Variants in PIKFYVE observed in about 807,000 individuals in gnomAD.
The protein encoded by PIKFYVE is phosphoinositide kinase, FYVE-type zinc finger containing.
A neutral mutation model predicts 257.9 loss-of-function variants in PIKFYVE; 122 were observed. The observed-to-expected ratio is 0.47, with a 90% CI of 0.41 to 0.55. The LOEUF is 0.55. Among genes scored for constraint, PIKFYVE ranks in the 20% least tolerant of loss-of-function variants. The probability of loss-of-function intolerance (pLI) is 0.00; values close to 1 mark genes in which losing one functional copy is unlikely to be tolerated. For missense variants in PIKFYVE, 2,160 were observed against 2,536.6 expected (o/e 0.85, Z 3.19); for synonymous variants, 892 against 868.9 (o/e 1.03, Z -0.47).
Position 208,354,019 on chromosome 2 carries a change from A to G in PIKFYVE, c.5966A>G (p.Tyr1989Cys). ...AAGATGGTTCGAGACAACCCTCTAT[A>G]TATTCGTTCTCATTCCAAAGCTGTG... ...LLKMVRDNPL[Y>C]IRSHSKAVLR... Residue 1989 changes from tyrosine to cysteine, a missense_variant, in exon 40 of 42, where the codon TAT becomes TGT. By Grantham distance (194) the Tyr-to-Cys change is radical (BLOSUM62 -2). This residue lies in a region of PIKFYVE where 699 missense variants were observed against 855.8 expected (regional missense o/e 0.82). Coordinates refer to ENST00000264380, the MANE Select transcript of PIKFYVE (RefSeq NM_015040.4). The G allele has an allele frequency of 6.2e-7, 1 of 1,614,092 alleles. No homozygotes were observed. The highest frequency in any genetic ancestry group is 8.5e-7 in the Non-Finnish European group (1 of 1,179,974).
intron 12 of PIKFYVE, among the ~76,000 whole-genome samples, chr2:208,306,448 A>G (rs566930399): frequency 7.2e-5 from 11 of 152,332 alleles, no homozygotes; most frequent in Admixed American, 7.2e-4. Context: ...TCTGTTGGCA[A>G]TCACATTTTG....
Position 208,271,610 on chromosome 2 carries a change from A to C in PIKFYVE, c.91A>C (p.Lys31Gln), listed in dbSNP as rs1403277491. The change falls in exon 2 of 42, where the codon AAA (lysine) becomes CAA (glutamine). Residue 31 changes from lysine (K) to glutamine (Q), a missense_variant. By Grantham distance (53) the Lys-to-Gln change is moderately conservative. Around this residue, in one of 12 missense-constraint regions of PIKFYVE, gnomAD observed 172 missense variants for 180.6 expected, o/e 0.95. Coordinates refer to ENST00000264380, the MANE Select transcript of PIKFYVE (RefSeq NM_015040.4). The part of the protein sequence containing the change: ...PTSPSHLTHF[K>Q]PLTPDQDEPP... The stretch of plus-strand genomic sequence containing the variant: ...TAGTCCTTCTCATCTCACACACTTT[A>C]AACCTTTGACTCCTGATCAAGATGA... The C allele has an allele frequency of 1.9e-6, 3 of 1,614,054 alleles. No individual in the cohort carries two copies. Among genetic ancestry groups the C allele is most frequent in the Non-Finnish European group, 2.5e-6 (3 of 1,179,902 alleles).
rs1696819290 is a variant in PIKFYVE, at chr2:208,325,497, C to T, written c.2686C>T (p.Arg896Ter). ...NPSFHSLIEG[R>*]GHEGAVQEQY... ...TTCATTCCATTCCCTGATTGAGGGA[C>T]GAGGGCATGAGGGGGCTGTCCAAGA... Residue 896 changes from arginine (R) to a stop codon, truncating the protein, a stop_gained, in exon 20 of 42, where the codon CGA becomes TGA. Transcript: ENST00000264380. LOFTEE classifies it high-confidence loss of function. The T allele has an allele frequency of 6.2e-7, 1 of 1,614,134 alleles. No individual in the cohort carries two copies. The highest frequency in any genetic ancestry group is 8.5e-7 in the Non-Finnish European group (1 of 1,180,010).
At chr2:208,331,849 T>C (rs1206531417) in intron 23 of PIKFYVE, among the ~76,000 whole-genome samples, 1 of 152,248 alleles carries the variant, frequency 6.6e-6, no homozygotes, top group African/African-American at 2.4e-5. Context: ...CTTAGTTTCA[T>C]AATTGTTCTT....
intron 31 of PIKFYVE, 95 bp downstream of exon 31, chr2:208,340,226 T>C: frequency 2.1e-6 from 3 of 1,457,090 alleles, no homozygotes; most frequent in African/African-American, 1.4e-5. Context: ...ATGCATGATT[T>C]TTCAATCCTA....
At chr2:208,327,523 A>C (rs1418631444) in intron 20 of PIKFYVE, among the ~76,000 whole-genome samples, 1 of 152,192 alleles carries the variant, frequency 6.6e-6, no homozygotes, top group Non-Finnish European at 1.5e-5. Context: ...ATTATGTTTT[A>C]ATATGTGTTG....
intron 24 of PIKFYVE, 94 bp downstream of exon 24, chr2:208,333,587 T>C (rs1697799920): frequency 7.4e-7 from 1 of 1,354,728 alleles, no homozygotes; most frequent in South Asian, 1.2e-5. Flanking sequence ...TTGAATTAAT[T>C]TGTGGGATTC....
chr2:208,338,990 A>G (rs1284341804), intron 29 of PIKFYVE, among the ~76,000 whole-genome samples: 1 of 152,182 alleles, frequency 6.6e-6, no homozygotes, highest in Non-Finnish European at 1.5e-5. Context: ...TTTGTGGGGA[A>G]ATTTACATAG....
chr2:208,268,809 A>C (rs567422108), intron 1 of PIKFYVE, among the ~76,000 whole-genome samples: 80 of 150,106 alleles, frequency 5.3e-4, no homozygotes, highest in African/African-American at 1.9e-3. Context: ...CCCAATAAAC[A>C]TGTATTGCCA....
rs373393855 is a variant in PIKFYVE, at chr2:208,317,202, C to T, written c.2008-665C>T. Among the ~76,000 whole-genome samples, 75 of 151,678 alleles carry T rather than the reference C, an allele frequency of 4.9e-4. No homozygotes were observed. The South Asian group carries it at 0.016, about 32-fold the overall frequency. On this transcript the variant is annotated intron_variant, in intron 15 of 41. Transcript: ENST00000264380. ...ACCATCAGAGTGAACAGGCAACCTA[C>T]AAAATGGGAGAAAATTTTCGCAACC...
At chr2:208,282,965 C>T (rs1400155441) in intron 5 of PIKFYVE, among the ~76,000 whole-genome samples, 1 of 152,138 alleles carries the variant, frequency 6.6e-6, no homozygotes, top group Non-Finnish European at 1.5e-5. Flanking sequence ...CTATAAGAAT[C>T]TAATGCCACC....
intron 34 of PIKFYVE, among the ~76,000 whole-genome samples, chr2:208,347,508 A>G (rs1019532855): frequency 1.3e-5 from 2 of 152,196 alleles, no homozygotes; most frequent in Admixed American, 6.5e-5. Context: ...ACTCAGCCCT[A>G]ATATAATCTT....
intron 14 of PIKFYVE, 66 bp downstream of exon 14, chr2:208,314,489 A>G: frequency 6.6e-7 from 1 of 1,505,504 alleles, no homozygotes; most frequent in Non-Finnish European, 9.1e-7. Context: ...TGATAAGCAT[A>G]TGCATCATTC....
Position 208,339,547 on chromosome 2 carries a change from G to A in PIKFYVE, c.4802G>A (p.Ser1601Asn), listed in dbSNP as rs1242623151. Residue 1601 changes from serine to asparagine, a missense_variant, in exon 30 of 42, where the codon AGT becomes AAT. By Grantham distance (46) the Ser-to-Asn change is conservative. Transcript: ENST00000264380. Reference protein sequence around the residue: ...GGPPELDTASSSEDVFDGHLL... With the variant: ...GGPPELDTASNSEDVFDGHLL... ...CCCCCTGAGCTAGATACAGCCAGCA[G>A]TTCCGAAGGTAGAGGTTAAGTCACT... 2 of 1,614,060 alleles carry A rather than the reference G, an allele frequency of 1.2e-6. No homozygotes were observed. Among genetic ancestry groups the A allele is most frequent in the Non-Finnish European group, 1.7e-6 (2 of 1,180,038 alleles).
rs367573273 is a variant in PIKFYVE, at chr2:208,273,593, A to G, written c.182A>G (p.Glu61Gly). Reference protein sequence around the residue: ...NLFRFNKERAEGGQGEQQPLS... With the variant: ...NLFRFNKERAGGGQGEQQPLS... Reference sequence around the variant, plus strand: ...CGTTCCCTTGCTACAGAGAGAGCAGAAGGAGGCCAGGGAGAACAGCAGCCT... The same window carrying G: ...CGTTCCCTTGCTACAGAGAGAGCAGGAGGAGGCCAGGGAGAACAGCAGCCT... Residue 61 changes from glutamate to glycine, a missense_variant, in exon 3 of 42, where the codon GAA becomes GGA. Glu to Gly is a moderately conservative substitution (Grantham distance 98, BLOSUM62 -2). Transcript: ENST00000264380. 79 of 1,614,104 alleles carry G rather than the reference A, an allele frequency of 4.9e-5. No individual in the cohort carries two copies. Among genetic ancestry groups the G allele is most frequent in the Non-Finnish European group, 6.1e-5 (72 of 1,180,054 alleles).
rs751003919 is a variant in PIKFYVE at position 208,335,779 on chromosome 2, C to T, written c.4257-14C>T. ...CACCCTTTCTAAAGTGTTTAATGCT[C>T]TCGCTATTGTTAGAGTTTCACAGGT... On this transcript the variant is annotated splice_polypyrimidine_tract_variant and intron_variant, in intron 25 of 41. Transcript: ENST00000264380. 2.5e-6 allele frequency: 4 copies of T among 1,581,696 alleles called. No homozygotes were observed. In the South Asian group the frequency reaches 4.4e-5, roughly 18 times the overall value.
chr2:208,283,626 A>G (rs912577407), intron 5 of PIKFYVE, among the ~76,000 whole-genome samples: 1 of 151,688 alleles, frequency 6.6e-6, no homozygotes, highest in African/African-American at 2.4e-5. Context: ...CCCAGGCTGG[A>G]GTGCAGTGGC....
At position 208,339,452 on chromosome 2, in the gene PIKFYVE, C is replaced by T. The variant is rs1032079437; in HGVS notation, c.4707C>T (p.Ser1569=). ...DRFLTTLSSQ[S]STSSTHLQLP... is the part of the protein sequence containing the mutation. ...TCTTAACAACTTTGTCCAGCCAGAG[C>T]TCCACCAGTTCTACTCATCTCCAAT... The change falls in exon 30 of 42, where the codon AGC becomes AGT. Residue 1569 remains serine (S), a synonymous_variant. Transcript: ENST00000264380. The T allele has an allele frequency of 3.1e-6, 5 of 1,614,144 alleles. No homozygotes were observed. The highest frequency in any genetic ancestry group is 1.7e-5 in the Admixed American group (1 of 60,022).
chr2:208,326,641 G>A (rs1696955923), intron 20 of PIKFYVE, among the ~76,000 whole-genome samples: 1 of 152,142 alleles, frequency 6.6e-6, no homozygotes. Flanking sequence ...GGGTTTCAGG[G>A]TTTTAAGGTG....
Sources: gnomAD v4.1 joint callset for allele counts (sites outside exome capture counted in the v4.1 genomes callset) on GRCh38, gnomAD v4.1.1 for gene constraint, gnomAD v4.1.1 regional missense constraint, MANE v1.5 for transcripts, NCBI Gene and HGNC (gene_info 2026-07-23, HGNC 2026-07-21) for gene names.